GATA3: variants seen among roughly 807,000 people sequenced by gnomAD.
GATA3 encodes the protein GATA binding protein 3.
GATA3 carries 6 observed loss-of-function variants against 36.0 expected under a neutral mutation model. That is an observed-to-expected ratio of 0.17 (90% CI 0.09 to 0.33). The LOEUF is 0.33. GATA3 is among the 10% of genes least tolerant of loss of function. GATA3 has a pLI of 1.00. For missense variants in GATA3, 514 were observed against 610.1 expected (o/e 0.84, Z 1.66); for synonymous variants, 326 against 273.0 (o/e 1.19, Z -1.92).
intron 5 of GATA3, among the ~76,000 whole-genome samples, chr10:8,071,543 G>A (rs915602873): frequency 6.6e-6 from 1 of 152,086 alleles, no homozygotes; most frequent in East Asian, 1.9e-4. Context: ...GTAAAGCTGA[G>A]GAATCCTCTC....
upstream of GATA3, chr10:8,051,328 GCCA>G: frequency 3.8e-6 from 1 of 262,408 alleles, no homozygotes; most frequent in Non-Finnish European, 8.2e-6. Context: ...TTTCGGATAG[GCCA>G]AGCCGGCTGC....
upstream of GATA3, chr10:8,052,206 C>T (rs1832513998): frequency 6.6e-6 from 1 of 152,204 alleles, no homozygotes; most frequent in Non-Finnish European, 1.5e-5. Flanking sequence ...GGCCCCCCAC[C>T]CCTCTCTGCC....
rs1009643744 is a variant in GATA3, at chr10:8,055,154, C to A, written c.-369-133C>A. 3.1e-5 allele frequency: 7 copies of A among 226,030 alleles called. No homozygotes were observed. The highest frequency in any genetic ancestry group is 1.7e-4 in the Admixed American group (3 of 17,722). 14.0% of individuals were successfully genotyped at this position (226,030 alleles called of 1,614,324 possible). On this transcript the variant is annotated intron_variant, in intron 1 of 5. Coordinates refer to ENST00000379328, the MANE Select transcript of GATA3 (RefSeq NM_001002295.2). This position sits in a 1 kb window ranked among gnomAD's most constrained non-coding sequence, Gnocchi z 5.4. ...TGCAGGGACGTCCCCGAGAGCCCTGCGGGCTCCGCGGCCGTGTCCCCGCGC... is the reference window on the plus strand; with the variant it reads ...TGCAGGGACGTCCCCGAGAGCCCTGAGGGCTCCGCGGCCGTGTCCCCGCGC...
At chr10:8,050,881 G>A, upstream of GATA3, 1 of 456,884 alleles carries the variant, frequency 2.2e-6, no homozygotes, top group Middle Eastern at 8.3e-4. Context: ...TTCGACCCCG[G>A]GGCTCCGCTT....
chr10:8,071,783 A>T (rs780899278), intron 5 of GATA3, among the ~76,000 whole-genome samples: 20 of 152,162 alleles, frequency 1.3e-4, no homozygotes, highest in Admixed American at 3.9e-4. Context: ...ACATCTCTAC[A>T]TGGATGCCAT....
At chr10:8,054,495 C>G (rs1004677092), upstream of GATA3, among the ~76,000 whole-genome samples, 1 of 151,942 alleles carries the variant, frequency 6.6e-6, no homozygotes, top group Non-Finnish European at 1.5e-5. This position sits in a 1 kb window ranked among gnomAD's most constrained non-coding sequence, Gnocchi z 4.2. Context: ...CTGCGGCGCC[C>G]CTTTCCGGTC....
rs2131522116 is a variant in GATA3 at position 8,073,924 on chromosome 10, C to T, written c.1236C>T (p.His412=). 2 of 1,614,176 alleles carry T rather than the reference C, an allele frequency of 1.2e-6. No individual in the cohort carries two copies. Among genetic ancestry groups the T allele is most frequent in the Non-Finnish European group, 1.7e-6 (2 of 1,180,044 alleles). The stretch of plus-strand genomic sequence containing the variant: ...TGAGCCACATCTCGCCCTTCAGCCA[C>T]TCCAGCCACATGCTGACCACGCCCA... The part of the protein sequence containing the change: ...SSLSHISPFS[H]SSHMLTTPTP... The change falls in exon 6 of 6, where the codon CAC becomes CAT. Residue 412 remains histidine, a synonymous_variant. Transcript: ENST00000379328.
rs369338368 is a variant in GATA3, at chr10:8,064,308, CTTCTT to C, written c.924+173_924+177del. 0.47 allele frequency among the ~76,000 whole-genome samples: 53,719 copies of C among 113,684 alleles called. 11,577 individuals carry two copies. The highest frequency in any genetic ancestry group is 0.67 in the South Asian group (2,396 of 3,564). The allele number at this position is 113,684 out of a possible 152,430, so 74.6% of individuals were successfully genotyped here. A position where few individuals can be genotyped will look rare whatever the true frequency, so the allele number is the denominator to read the frequency against. On this transcript the variant is annotated intron_variant, in intron 4 of 5. Transcript: ENST00000379328. ...CTTTTTCTTTCTTTCTTTTCTTCTT[CTTCTT>C]TTTTTTTTTTTTTTTCAAATTTGAT...
Position 8,073,756 on chromosome 10 carries a change from T to G in GATA3, c.1068T>G (p.Thr356=), listed in dbSNP as rs201916439. 6.2e-7 allele frequency: 1 copy of G among 1,611,796 alleles called. No homozygotes were observed. The highest frequency in any genetic ancestry group is 1.3e-5 in the African/African-American group (1 of 74,414). The change falls in exon 6 of 6, where the codon ACT becomes ACG. Residue 356 remains threonine (T), a synonymous_variant. Transcript: ENST00000379328. ...TTGTTTAGATTAACAGACCCCTGAC[T>G]ATGAAGAAGGAAGGCATCCAGACCA... The part of the protein sequence containing the change: ...YKLHNINRPL[T]MKKEGIQTRN...
At chr10:8,064,303 T>A in intron 4 of GATA3, among the ~76,000 whole-genome samples, 165 bp downstream of exon 4, 1 of 38,230 alleles carries the variant, frequency 2.6e-5, no homozygotes, top group South Asian at 1.8e-3. Flanking sequence ...CTTTCTTTTC[T>A]TCTTCTTCTT....
chr10:8,064,154 G>T lies in GATA3; in HGVS notation c.924+16G>T. The T allele has an allele frequency of 6.2e-7, 1 of 1,614,152 alleles. No homozygotes were observed. On this transcript the variant is annotated intron_variant, in intron 4 of 5. Coordinates refer to ENST00000379328, the MANE Select transcript of GATA3 (RefSeq NM_001002295.2). ...GCGAAGGCTGGTAAGTTCTCGGGAA[G>T]GGATGGATTCCATGCTGACCATTCT...
chr10:8,063,690 C>T (rs1162706324), intron 3 of GATA3, among the ~76,000 whole-genome samples: 1 of 152,186 alleles, frequency 6.6e-6, no homozygotes, highest in Non-Finnish European at 1.5e-5. Context: ...TGCATTCCTC[C>T]TTGGTCCTGC....
chr10:8,070,279 C>T (rs1243963), intron 5 of GATA3, among the ~76,000 whole-genome samples: 8,650 of 152,106 alleles, frequency 0.057, 724 homozygotes, highest in African/African-American at 0.19. Context: ...GTTAGCAGAG[C>T]GGTAATTGCC....
chr10:8,073,594 T>A, intron 5 of GATA3, 145 bp from the exon 6 acceptor site: 3 of 824,256 alleles, frequency 3.6e-6, no homozygotes, highest in Admixed American at 2.7e-5. Flanking sequence ...CAGGAGAAGG[T>A]GGGAGGGAGG....
At chr10:8,057,566 G>C (rs1226658280) in intron 2 of GATA3, among the ~76,000 whole-genome samples, 1 of 152,156 alleles carries the variant, frequency 6.6e-6, no homozygotes, top group African/African-American at 2.4e-5. Flanking sequence ...GGTGAGAAAA[G>C]CAGAGAAAAT....
At chr10:8,051,194 T>G (rs897137720), upstream of GATA3, 13 of 460,954 alleles carry the variant, frequency 2.8e-5, no homozygotes, top group Admixed American at 1.9e-4. Context: ...TGTTTGGGGG[T>G]GTGTGTGGTA....
At chr10:8,050,364 G>A (rs1000669497), upstream of GATA3, 1 of 152,284 alleles carries the variant, frequency 6.6e-6, no homozygotes. Context: ...CAGACCGCGG[G>A]GCCGCGGACC....
intron 4 of GATA3, among the ~76,000 whole-genome samples, chr10:8,068,522 C>A (rs1832881308): frequency 6.6e-6 from 1 of 152,150 alleles, no homozygotes; most frequent in Admixed American, 6.5e-5. Flanking sequence ...GAGGCCGAGG[C>A]AGGTGGATCA....
rs1832695223 is a variant in GATA3 at position 8,058,720 on chromosome 10, C to T, written c.657C>T (p.Ile219=). 6.2e-7 allele frequency: 1 copy of T among 1,612,822 alleles called. No homozygotes were observed. Among genetic ancestry groups the T allele is most frequent in the Non-Finnish European group, 8.5e-7 (1 of 1,179,956 alleles). The change falls in exon 3 of 6, where the codon ATC becomes ATT. Residue 219 remains isoleucine (I), a synonymous_variant. Transcript: ENST00000379328. ...CCTCCTCGTCGACCCACCACCCCAT[C>T]ACCACCTACCCGCCCTACGTGCCCG... ...GGASSSTHHP[I]TTYPPYVPEY...
Sources: allele counts gnomAD v4.1 joint callset (sites outside exome capture counted in the v4.1 genomes callset), GRCh38; gene constraint gnomAD v4.1.1; non-coding constraint Gnocchi (gnomAD v3.1); transcripts MANE v1.5; gene names NCBI Gene and HGNC (gene_info 2026-07-23, HGNC 2026-07-21).